Variants in CSF1 observed in about 807,000 individuals in gnomAD.
CSF1 encodes macrophage colony-stimulating factor 1.
A neutral mutation model predicts 48.9 loss-of-function variants in CSF1; 9 were observed. The observed-to-expected ratio is 0.18, with a 90% confidence interval of 0.11 to 0.32. The LOEUF (loss-of-function observed/expected upper bound fraction) is 0.32. Among genes scored for constraint, CSF1 ranks in the 10% least tolerant of loss-of-function variants. The pLI, the probability that CSF1 is intolerant of heterozygous loss-of-function variation, is 1.00. For missense variants in CSF1, 672 were observed against 697.9 expected (o/e 0.96, Z 0.42); for synonymous variants, 305 against 284.1 (o/e 1.07, Z -0.74).
At chr1:109,924,413 G>A (rs1647742240) in intron 6 of CSF1, among the ~76,000 whole-genome samples, 1 of 152,150 alleles carries the variant, frequency 6.6e-6, no homozygotes, top group Admixed American at 6.5e-5. Context: ...GGAGCAGAAG[G>A]GAGCGGGAGA....
intron 6 of CSF1, among the ~76,000 whole-genome samples, chr1:109,924,488 T>C (rs1647748066): frequency 6.6e-6 from 1 of 151,944 alleles, no homozygotes; most frequent in African/African-American, 2.4e-5. Flanking sequence ...AGGAGAGCAA[T>C]GCTGTGTGAG....
intron 5 of CSF1, 81 bp from the exon 6 acceptor site, chr1:109,923,085 G>T (rs554347384): frequency 5.7e-5 from 79 of 1,378,300 alleles, no homozygotes; most frequent in Non-Finnish European, 7.2e-5. Context: ...CTCTTGCCCC[G>T]CTCTGGGAAA....
rs1654653168 is a variant in CSF1 at position 109,910,979 on chromosome 1, C to T, written c.-45C>T. The stretch of plus-strand genomic sequence containing the variant: ...CCGCAGCAGCCAGCGAGCGAGCGAG[C>T]GAGCGAGGGCGGCCGACGCGCCCGG... On this transcript the variant is annotated 5_prime_UTR_variant, in exon 1 of 9. Transcript: ENST00000329608. 1.4e-5 allele frequency: 16 copies of T among 1,154,738 alleles called. No homozygotes were observed. Among genetic ancestry groups the T allele is most frequent in the African/African-American group, 1.6e-5 (1 of 60,920 alleles). 71.5% of individuals were successfully genotyped at this position (1,154,738 alleles called of 1,614,324 possible). A position where few individuals can be genotyped will look rare whatever the true frequency, so the allele number is the denominator to read the frequency against.
rs1470445084 is a variant in CSF1, at chr1:109,911,054, C to T, written c.31C>T (p.Pro11Ser). The T allele has an allele frequency of 9.0e-7, 1 of 1,116,972 alleles. No individual in the cohort carries two copies. Among genetic ancestry groups the T allele is most frequent in the Admixed American group, 4.7e-5 (1 of 21,424 alleles). The allele number at this position is 1,116,972 out of a possible 1,614,324, so 69.2% of individuals were successfully genotyped here. Residue 11 changes from proline to serine, a missense_variant, in exon 1 of 9, where the codon CCT (proline) becomes TCT (serine). This residue lies in a region of CSF1 where 53 missense variants were observed against 45.5 expected (regional missense o/e 1.17). Coordinates refer to ENST00000329608, the MANE Select transcript of CSF1 (RefSeq NM_000757.6). MTAPGAAGRC[P>S]PTTWLGSLLL... The stretch of plus-strand genomic sequence containing the variant: ...CGCGCCGGGCGCCGCCGGGCGCTGC[C>T]CTCCCACGGTAAGCGACGGCCGCGG...
chr1:109,910,964 C>CAGCGAGCG lies in CSF1; in HGVS notation c.-45_-38dup, dbSNP rs551065514. On this transcript the variant is annotated 5_prime_UTR_variant, in exon 1 of 9. Transcript: ENST00000329608. ...GCCGGGGCGCCCACTCCGCAGCAGCCAGCGAGCGAGCGAGCGAGCGAGGGC... is the reference window on the plus strand; with the variant it reads ...GCCGGGGCGCCCACTCCGCAGCAGCCAGCGAGCGAGCGAGCGAGCGAGCGAGCGAGGGC... 5 of 1,150,636 alleles carry CAGCGAGCG rather than the reference C, an allele frequency of 4.3e-6. No individual in the cohort carries two copies. The highest frequency in any genetic ancestry group is 3.6e-5 in the South Asian group (1 of 27,806). The allele number at this position is 1,150,636 out of a possible 1,614,324, so 71.3% of individuals were successfully genotyped here. A position where few individuals can be genotyped will look rare whatever the true frequency, so the allele number is the denominator to read the frequency against.
rs751805455 is a variant in CSF1, at chr1:109,925,152, T to G, written c.1628T>G (p.Leu543Arg). 2.5e-6 allele frequency: 4 copies of G among 1,613,966 alleles called. 1 individual carries two copies. In the South Asian group the frequency reaches 4.4e-5, roughly 18 times the overall value. Residue 543 changes from leucine (L) to arginine (R), a missense_variant, in exon 8 of 9, where the codon CTG (leucine) becomes CGG (arginine). By Grantham distance (102) the Leu-to-Arg change is moderately radical. This residue lies in a region of CSF1 where 591 missense variants were observed against 593.6 expected (regional missense o/e 1.00). Coordinates refer to ENST00000329608, the MANE Select transcript of CSF1 (RefSeq NM_000757.6). ...SPLEQPEGSP[L>R]TQDDRQVELP... ...GCCCTGTGCTCTGCCTGCAGCCCCC[T>G]GACTCAGGATGACAGACAGGTGGAA...
intron 8 of CSF1, among the ~76,000 whole-genome samples, chr1:109,928,393 G>A (rs910824107): frequency 6.6e-6 from 1 of 152,198 alleles, no homozygotes; most frequent in African/African-American, 2.4e-5. Flanking sequence ...CATCATATGT[G>A]ATGCCCCTCT....
intron 4 of CSF1, among the ~76,000 whole-genome samples, chr1:109,919,435 C>G (rs1187621213): frequency 1.3e-5 from 2 of 152,096 alleles, no homozygotes; most frequent in Non-Finnish European, 2.9e-5. Flanking sequence ...CGCAATGTTG[C>G]CCAGGCTGGT....
rs776081094 is a variant in CSF1 at position 109,923,559 on chromosome 1, G to A, written c.938G>A (p.Ser313Asn). ...WVPEEASGEA[S>N]EIPVPQGTEL... ...CCAGAAGAAGCCTCTGGAGAGGCCA[G>A]TGAGATTCCCGTACCCCAAGGGACA... The change falls in exon 6 of 9, where the codon AGT becomes AAT. Residue 313 changes from serine (S) to asparagine (N), a missense_variant. Around this residue, in one of 3 missense-constraint regions of CSF1, gnomAD observed 591 missense variants for 593.6 expected, o/e 1.00. Transcript: ENST00000329608. 3 of 1,614,202 alleles carry A rather than the reference G, an allele frequency of 1.9e-6. No homozygotes were observed. Among genetic ancestry groups the A allele is most frequent in the Non-Finnish European group, 2.5e-6 (3 of 1,180,028 alleles).
At chr1:109,922,662 G>A (rs531976115) in intron 5 of CSF1, 29 of 156,664 alleles carry the variant, frequency 1.9e-4, no homozygotes, top group Admixed American at 1.9e-4. Context: ...GTCCAGTCTC[G>A]TTGCTTCAAT....
chr1:109,920,519 A>G (rs561258791), intron 4 of CSF1, among the ~76,000 whole-genome samples: 2 of 152,220 alleles, frequency 1.3e-5, no homozygotes, highest in African/African-American at 2.4e-5. Context: ...AGGTTTCACC[A>G]TGTTGGTCAG....
chr1:109,922,234 C>T (rs1054665639), intron 5 of CSF1: 2 of 385,472 alleles, frequency 5.2e-6, no homozygotes, highest in Non-Finnish European at 9.2e-6. Flanking sequence ...CATGTGGCAG[C>T]GTCAAGAAGG....
intron 7 of CSF1, 93 bp from the exon 8 acceptor site, chr1:109,925,054 G>A: frequency 8.2e-7 from 1 of 1,220,398 alleles, no homozygotes; most frequent in South Asian, 1.2e-5. Flanking sequence ...AGAGGGCCTA[G>A]AGCATGTCTG....
At chr1:109,920,688 C>T (rs1647491475) in intron 4 of CSF1, among the ~76,000 whole-genome samples, 1 of 152,182 alleles carries the variant, frequency 6.6e-6, no homozygotes, top group South Asian at 2.1e-4. Context: ...AAGGACTTCA[C>T]AGCCTAGAAA....
intron 1 of CSF1, among the ~76,000 whole-genome samples, chr1:109,912,541 T>C (rs1253689449): frequency 1.3e-5 from 2 of 152,162 alleles, no homozygotes; most frequent in Non-Finnish European, 2.9e-5. Flanking sequence ...GTATCCCCTT[T>C]GGCCAGCTTC....
intron 1 of CSF1, among the ~76,000 whole-genome samples, chr1:109,912,563 C>G (rs1313708803): frequency 6.6e-6 from 1 of 152,152 alleles, no homozygotes; most frequent in Non-Finnish European, 1.5e-5. Context: ...AAGTCAGCCT[C>G]TCATGTAGTG....
In CSF1 at chr1:109,911,055, CT is replaced by C; in HGVS notation, c.33del (p.Thr13ArgfsTer30). 1 of 1,115,244 alleles carries C rather than the reference CT, an allele frequency of 9.0e-7. No homozygotes were observed. Among genetic ancestry groups the C allele is most frequent in the Non-Finnish European group, 1.1e-6 (1 of 914,172 alleles). The allele number at this position is 1,115,244 out of a possible 1,614,324, so 69.1% of individuals were successfully genotyped here. A position where few individuals can be genotyped will look rare whatever the true frequency, so the allele number is the denominator to read the frequency against. On this transcript the variant is annotated frameshift_variant, in exon 1 of 9. Transcript: ENST00000329608. LOFTEE classifies it high-confidence loss of function. ...GCGCCGGGCGCCGCCGGGCGCTGCC[CT>C]CCCACGGTAAGCGACGGCCGCGGCG... Reference protein sequence around the residue: MTAPGAAGRCPPTTWLGSLLL... With the variant: MTAPGAAGRCXPTTWLGSLLL...
intron 8 of CSF1, among the ~76,000 whole-genome samples, chr1:109,927,590 G>T (rs375026711): frequency 1.3e-5 from 2 of 149,758 alleles, no homozygotes; most frequent in South Asian, 2.2e-4. Context: ...TCTCAGGCCC[G>T]TCCCAAGCTT....
In CSF1 at chr1:109,930,790, A is replaced by T. The variant is rs1461223310; in HGVS notation, c.*1952A>T. ...TCAGAGCAGGAGGAGCCCCAGAGCCACCTCTGGTGTCCCCCCAGGCTACCT... is the reference window on the plus strand; with the variant it reads ...TCAGAGCAGGAGGAGCCCCAGAGCCTCCTCTGGTGTCCCCCCAGGCTACCT... On this transcript the variant is annotated 3_prime_UTR_variant, in exon 9 of 9. Coordinates refer to ENST00000329608, the MANE Select transcript of CSF1 (RefSeq NM_000757.6). 6.6e-6 allele frequency: 1 copy of T among 152,096 alleles called. No individual in the cohort carries two copies. Among genetic ancestry groups the T allele is most frequent in the Non-Finnish European group, 1.5e-5 (1 of 68,008 alleles). The allele number at this position is 152,096 out of a possible 1,614,324, so 9.4% of individuals were successfully genotyped here.
Sources: allele counts gnomAD v4.1 joint callset (sites outside exome capture counted in the v4.1 genomes callset), GRCh38; gene constraint gnomAD v4.1.1; regional missense constraint gnomAD v4.1.1; transcripts MANE v1.5; gene names NCBI Gene and HGNC (gene_info 2026-07-23, HGNC 2026-07-21).